ATP8A2: variants seen among roughly 807,000 people sequenced by gnomAD.
ATP8A2 encodes the protein ATPase phospholipid transporting 8A2.
A neutral mutation model predicts 165.6 loss-of-function variants in ATP8A2; 100 were observed. That is an observed-to-expected ratio of 0.60 (90% CI 0.51 to 0.71). The LOEUF (loss-of-function observed/expected upper bound fraction) is 0.71, where lower values mean the gene tolerates loss of function less well. Among genes scored for constraint, ATP8A2 ranks in the 30% least tolerant of loss-of-function variants. The probability of loss-of-function intolerance (pLI) is 0.00; values close to 1 mark genes in which losing one functional copy is unlikely to be tolerated. For synonymous variants in ATP8A2, 543 were observed against 548.8 expected (o/e 0.99, Z 0.15); for missense variants, 1,227 against 1,479.5 (o/e 0.83, Z 2.80).
At position 25,788,197 on chromosome 13, in the gene ATP8A2, A is replaced by C. The variant is rs528021072; in HGVS notation, c.2679+13238A>C. 3.9e-5 allele frequency among the ~76,000 whole-genome samples: 6 copies of C among 152,352 alleles called. 1 individual carries two copies. The East Asian group carries it at 1.2e-3, about 29-fold the overall frequency. On this transcript the variant is annotated intron_variant, in intron 27 of 36. Transcript: ENST00000381655. ...AAGTGAGGAAAATAGAAGTACATAC[A>C]TCAAAAAGTTTATGAGGGTGAAGTA...
intron 10 of ATP8A2, among the ~76,000 whole-genome samples, chr13:25,546,917 G>A (rs1446283111): frequency 1.3e-5 from 2 of 152,010 alleles, no homozygotes; most frequent in Non-Finnish European, 2.9e-5. Flanking sequence ...ATCACTTGAG[G>A]TCAGGAGTTC....
chr13:25,461,130 T>G (rs577656219), intron 1 of ATP8A2, among the ~76,000 whole-genome samples: 10 of 152,362 alleles, frequency 6.6e-5, no homozygotes, highest in African/African-American at 2.4e-4. Context: ...GTATTTGCAG[T>G]AATAAGAAAT....
At chr13:25,674,794 A>G (rs1367191156) in intron 24 of ATP8A2, among the ~76,000 whole-genome samples, 1 of 152,230 alleles carries the variant, frequency 6.6e-6, no homozygotes, top group African/African-American at 2.4e-5. Flanking sequence ...TGACCACAAT[A>G]GTAAATAGGA....
At chr13:25,529,694 T>C (rs758100320) in intron 2 of ATP8A2, among the ~76,000 whole-genome samples, 6 of 152,204 alleles carry the variant, frequency 3.9e-5, no homozygotes, top group Non-Finnish European at 8.8e-5. Context: ...ACACGCCTGC[T>C]GTTCATAGCA....
Position 26,014,263 on chromosome 13 carries a change from G to GT in ATP8A2, c.3469+1641_3469+1642insT, listed in dbSNP as rs1187251636. On this transcript the variant is annotated intron_variant, in intron 36 of 36. Transcript: ENST00000381655. Reference sequence around the variant, plus strand: ...ATGCCAGAGGTTCAGTGTAGGTCCTGCCACCCACAGCTGCACAGAAAGCCA... The same window carrying GT: ...ATGCCAGAGGTTCAGTGTAGGTCCTGTCCACCCACAGCTGCACAGAAAGCCA... Among the ~76,000 whole-genome samples, 27 of 152,310 alleles carry GT rather than the reference G, an allele frequency of 1.8e-4. No homozygotes were observed. In the East Asian group the frequency reaches 5.2e-3, roughly 29 times the overall value.
Position 26,019,903 on chromosome 13 carries a change from C to T in ATP8A2, c.3485C>T (p.Ser1162Phe), listed in dbSNP as rs1175127786. The T allele has an allele frequency of 1.9e-6, 3 of 1,613,768 alleles. No individual in the cohort carries two copies. Among genetic ancestry groups the T allele is most frequent in the African/African-American group, 2.7e-5 (2 of 75,036 alleles). Residue 1162 changes from serine to phenylalanine, a missense_variant, in exon 37 of 37, where the codon TCT (serine) becomes TTT (phenylalanine). Coordinates refer to ENST00000381655, the MANE Select transcript of ATP8A2 (RefSeq NM_016529.6). ...TCACTTTCAGATGGGTATGCTTTTT[C>T]TCAAGAAGAACACGGAGCTGTTAGT... is the stretch of plus-strand genomic sequence containing the variant. ...QQGVPHGYAF[S>F]QEEHGAVSQE...
intron 2 of ATP8A2, among the ~76,000 whole-genome samples, chr13:25,482,453 T>C (rs2036233456): frequency 6.6e-6 from 1 of 151,722 alleles, no homozygotes; most frequent in Admixed American, 6.6e-5. Flanking sequence ...GCCTGAAAGA[T>C]GAGTACGAGT....
chr13:25,724,557 A>G (rs914875709), intron 25 of ATP8A2, among the ~76,000 whole-genome samples: 12 of 152,230 alleles, frequency 7.9e-5, no homozygotes, highest in African/African-American at 2.9e-4. Flanking sequence ...CTGAGAGCCC[A>G]TTATATACTG....
At chr13:25,485,288 G>A (rs2036316948) in intron 2 of ATP8A2, among the ~76,000 whole-genome samples, 1 of 152,150 alleles carries the variant, frequency 6.6e-6, no homozygotes, top group African/African-American at 2.4e-5. Flanking sequence ...GATAGTGCGT[G>A]TGTGTGTGTA....
At position 25,551,322 on chromosome 13, in the gene ATP8A2, C is replaced by G. The variant is rs758100328; in HGVS notation, c.892-16C>G. On this transcript the variant is annotated splice_polypyrimidine_tract_variant and intron_variant, in intron 10 of 36. Transcript: ENST00000381655. ...CTGTTCTGTGACCCTTACTGACTTT[C>G]AATGCTGTTGTGTAGAATTCAACCA... The G allele has an allele frequency of 1.2e-6, 2 of 1,605,260 alleles. No homozygotes were observed. The highest frequency in any genetic ancestry group is 3.3e-5 in the Admixed American group (2 of 59,756).
chr13:26,019,558 A>G (rs1593726252), intron 36 of ATP8A2, among the ~76,000 whole-genome samples: 1 of 152,264 alleles, frequency 6.6e-6, no homozygotes, highest in South Asian at 2.1e-4. Flanking sequence ...TGGCAGTGGG[A>G]AAGTGGAGTC....
intron 2 of ATP8A2, among the ~76,000 whole-genome samples, chr13:25,521,965 T>G (rs2037685660): frequency 6.6e-6 from 1 of 152,224 alleles, no homozygotes; most frequent in Admixed American, 6.5e-5. Context: ...GATTTGTGGT[T>G]CCATATAAAC....
chr13:25,649,157 A>T (rs1214070506), intron 24 of ATP8A2: 4 of 429,102 alleles, frequency 9.3e-6, no homozygotes, highest in Non-Finnish European at 1.8e-5. Flanking sequence ...TCTTTGGAAC[A>T]GACCCTTATT....
chr13:25,469,232 C>T (rs2035768944), intron 2 of ATP8A2, 111 bp downstream of exon 2: 8 of 1,352,206 alleles, frequency 5.9e-6, no homozygotes, highest in Non-Finnish European at 8.0e-6. Flanking sequence ...CGTCCATCTC[C>T]CCCAGAGCCT....
intron 23 of ATP8A2, among the ~76,000 whole-genome samples, chr13:25,582,951 A>AC (rs1255239439): frequency 6.6e-6 from 1 of 152,228 alleles, no homozygotes; most frequent in Non-Finnish European, 1.5e-5. Flanking sequence ...GCTCCCAAAC[A>AC]ACGGAAGTTA....
intron 33 of ATP8A2, among the ~76,000 whole-genome samples, chr13:25,878,926 G>A (rs911843096): frequency 6.6e-6 from 1 of 152,124 alleles, no homozygotes; most frequent in Admixed American, 6.5e-5. Flanking sequence ...GGTCATGAGT[G>A]TTCACTCCTG....
intron 2 of ATP8A2, among the ~76,000 whole-genome samples, chr13:25,487,626 A>C (rs568338973): frequency 3.3e-5 from 5 of 151,428 alleles, no homozygotes; most frequent in Admixed American, 1.3e-4. Context: ...CTTGGGTTTT[A>C]CAAAAAAAAC....
At chr13:25,825,991 G>A (rs1951304513) in intron 27 of ATP8A2, among the ~76,000 whole-genome samples, 1 of 152,172 alleles carries the variant, frequency 6.6e-6, no homozygotes, top group Non-Finnish European at 1.5e-5. Flanking sequence ...GTCTCGGACA[G>A]GAGGAATAAG....
chr13:25,532,250 A>AT (rs758751110), intron 4 of ATP8A2, 22 bp from the exon 5 acceptor site: 75 of 1,594,168 alleles, frequency 4.7e-5, no homozygotes, highest in South Asian at 1.0e-4. Context: ...ATGTTAAACT[A>AT]TTTTTTTTCT....
Sources: gnomAD v4.1 joint callset for allele counts (sites outside exome capture counted in the v4.1 genomes callset) on GRCh38, gnomAD v4.1.1 for gene constraint, MANE v1.5 for transcripts, NCBI Gene and HGNC (gene_info 2026-07-23, HGNC 2026-07-21) for gene names.